SNX2: variants seen among roughly 807,000 people sequenced by gnomAD.
The protein encoded by SNX2 is sorting nexin-2.
SNX2 carries 25 observed loss-of-function variants against 69.9 expected under a neutral mutation model. The observed-to-expected ratio is 0.36, with a 90% CI of 0.26 to 0.50. SNX2 has a LOEUF of 0.50. Ranked by LOEUF, SNX2 falls within the 20% of genes least tolerant of loss-of-function variation. The probability of loss-of-function intolerance (pLI) is 0.97; values close to 1 mark genes in which losing one functional copy is unlikely to be tolerated. For synonymous variants in SNX2, 229 were observed against 200.4 expected (o/e 1.14, Z -1.20); for missense variants, 551 against 613.3 (o/e 0.90, Z 1.07).
Position 122,818,865 on chromosome 5 carries a change from G to C in SNX2, c.1054G>C (p.Gly352Arg). Residue 352 changes from glycine to arginine, a missense_variant, in exon 11 of 15, where the codon GGT becomes CGT. By Grantham distance (125) the Gly-to-Arg change is moderately radical (BLOSUM62 -2). Transcript: ENST00000379516. ...AAFAKSAAML[G>R]NSEDHTALSR... Reference sequence around the variant, plus strand: ...CTTTGCTAAAAGTGCTGCCATGTTAGGTAATTCTGAGGATCATACTGCTTT... The same window carrying C: ...CTTTGCTAAAAGTGCTGCCATGTTACGTAATTCTGAGGATCATACTGCTTT... 6.2e-7 allele frequency: 1 copy of C among 1,613,902 alleles called. No homozygotes were observed. The highest frequency in any genetic ancestry group is 8.5e-7 in the Non-Finnish European group (1 of 1,179,898).
chr5:122,794,092 C>T (rs1455947355), intron 1 of SNX2, among the ~76,000 whole-genome samples: 1 of 152,008 alleles, frequency 6.6e-6, no homozygotes, highest in Non-Finnish European at 1.5e-5. Flanking sequence ...GGGTGGATCA[C>T]CTGAGGTCAG....
Position 122,819,042 on chromosome 5 carries a change from G to C in SNX2, c.1212+19G>C, listed in dbSNP as rs1424713840. 6.3e-7 allele frequency: 1 copy of C among 1,581,728 alleles called. No individual in the cohort carries two copies. Among genetic ancestry groups the C allele is most frequent in the Admixed American group, 1.7e-5 (1 of 59,678 alleles). On this transcript the variant is annotated intron_variant, in intron 11 of 14. Coordinates refer to ENST00000379516, the MANE Select transcript of SNX2 (RefSeq NM_003100.4). Reference sequence around the variant, plus strand: ...AGTGAAAGTAAGCCCTTTCTTGCATGCTTCTCACTTGTGTCGTGTACTTTA... The same window carrying C: ...AGTGAAAGTAAGCCCTTTCTTGCATCCTTCTCACTTGTGTCGTGTACTTTA...
chr5:122,806,639 CA>C (rs1260038124), intron 6 of SNX2, among the ~76,000 whole-genome samples: 1 of 151,674 alleles, frequency 6.6e-6, no homozygotes, highest in Non-Finnish European at 1.5e-5. Flanking sequence ...TTATTGGTCA[CA>C]ATGTCCCTTA....
chr5:122,825,229 A>G (rs1381898274), intron 11 of SNX2, among the ~76,000 whole-genome samples: 2 of 152,108 alleles, frequency 1.3e-5, no homozygotes, highest in Non-Finnish European at 2.9e-5. Context: ...TTGATTAGTA[A>G]TTACTAAAAT....
At chr5:122,803,756 C>A in intron 6 of SNX2, 143 bp downstream of exon 6, 1 of 603,882 alleles carries the variant, frequency 1.7e-6, no homozygotes, top group South Asian at 2.7e-5. Flanking sequence ...TTCATTTATA[C>A]TAATCATGCA....
At chr5:122,803,684 G>T in intron 6 of SNX2, 71 bp downstream of exon 6, 1 of 1,204,400 alleles carries the variant, frequency 8.3e-7, no homozygotes, top group South Asian at 1.7e-5. Flanking sequence ...ATAGATTTGT[G>T]GATTTCTTAG....
chr5:122,824,715 A>G (rs906057687), intron 11 of SNX2, among the ~76,000 whole-genome samples: 14 of 152,190 alleles, frequency 9.2e-5, no homozygotes, highest in African/African-American at 3.1e-4. Flanking sequence ...AAATTGCCAT[A>G]TGATATAAAT....
In SNX2 at chr5:122,831,765, G is replaced by C. The variant is rs939645744; in HGVS notation, c.*2117G>C. ...AAAGGTATAGTTTACACATAGGATGGTTATTCAAGTTATTATTAAAATCTT... is the reference window on the plus strand; with the variant it reads ...AAAGGTATAGTTTACACATAGGATGCTTATTCAAGTTATTATTAAAATCTT... On this transcript the variant is annotated 3_prime_UTR_variant, in exon 15 of 15. Transcript: ENST00000379516. 6.6e-6 allele frequency among the ~76,000 whole-genome samples: 1 copy of C among 152,096 alleles called. No homozygotes were observed. Among genetic ancestry groups the C allele is most frequent in the African/African-American group, 2.4e-5 (1 of 41,438 alleles).
intron 6 of SNX2, among the ~76,000 whole-genome samples, chr5:122,805,549 C>A (rs1049398784): frequency 6.6e-6 from 1 of 152,006 alleles, no homozygotes; most frequent in Non-Finnish European, 1.5e-5. Context: ...TATATTCTTT[C>A]TTTTTTTAAA....
At chr5:122,814,623 A>G (rs1209747350) in intron 7 of SNX2, among the ~76,000 whole-genome samples, 1 of 152,228 alleles carries the variant, frequency 6.6e-6, no homozygotes, top group Non-Finnish European at 1.5e-5. Context: ...TTATAATCTT[A>G]TAAAAAGGTA....
Position 122,831,586 on chromosome 5 carries a change from T to G in SNX2, c.*1938T>G, listed in dbSNP as rs1388242085. On this transcript the variant is annotated 3_prime_UTR_variant, in exon 15 of 15. Coordinates refer to ENST00000379516, the MANE Select transcript of SNX2 (RefSeq NM_003100.4). The stretch of plus-strand genomic sequence containing the variant: ...AAATAGTACAATCATCTTTTGTTGC[T>G]TCTGGGAATACTTTTCAGAAACGAA... Among the ~76,000 whole-genome samples the G allele has an allele frequency of 3.3e-5, 5 of 152,224 alleles. No individual in the cohort carries two copies. Among genetic ancestry groups the G allele is most frequent in the Non-Finnish European group, 5.9e-5 (4 of 68,038 alleles).
chr5:122,775,841 T>G (rs1291001095), intron 1 of SNX2: 1 of 942,704 alleles, frequency 1.1e-6, no homozygotes, highest in African/African-American at 1.8e-5. Flanking sequence ...AATGTAAAGC[T>G]GAAGGCAGGA....
intron 7 of SNX2, among the ~76,000 whole-genome samples, chr5:122,813,533 T>A (rs1753827732): frequency 6.6e-6 from 1 of 152,058 alleles, no homozygotes; most frequent in South Asian, 2.1e-4. Flanking sequence ...TTAACAAAGT[T>A]AAACTAGGGT....
At chr5:122,783,549 T>C (rs1331176937) in intron 1 of SNX2, among the ~76,000 whole-genome samples, 1 of 152,214 alleles carries the variant, frequency 6.6e-6, no homozygotes, top group Non-Finnish European at 1.5e-5. Flanking sequence ...TTGTTGAAAG[T>C]CTAGCCTTTC....
At chr5:122,789,628 A>T (rs1753181503) in intron 1 of SNX2, among the ~76,000 whole-genome samples, 2 of 152,062 alleles carry the variant, frequency 1.3e-5, no homozygotes, top group Admixed American at 1.3e-4. Context: ...AAGAGGGGGA[A>T]AAAAACAGGG....
At chr5:122,811,708 G>A (rs1210060624) in intron 7 of SNX2, among the ~76,000 whole-genome samples, 2 of 152,064 alleles carry the variant, frequency 1.3e-5, no homozygotes, top group Admixed American at 6.6e-5. Context: ...GCGCGTGCCT[G>A]TAGTCACAGC....
intron 11 of SNX2, 136 bp from the exon 12 acceptor site, chr5:122,825,914 A>T: frequency 1.4e-6 from 1 of 694,978 alleles, no homozygotes; most frequent in Non-Finnish European, 2.1e-6. Flanking sequence ...TGGCATACTT[A>T]CTTTCAGTAT....
chr5:122,805,420 C>T (rs1753620748), intron 6 of SNX2, among the ~76,000 whole-genome samples: 1 of 152,008 alleles, frequency 6.6e-6, no homozygotes, highest in South Asian at 2.1e-4. Flanking sequence ...CCACCATGCT[C>T]AGCCAAATTT....
At chr5:122,806,142 G>GCACGCACGCACACACACACA (rs1554063175) in intron 6 of SNX2, among the ~76,000 whole-genome samples, 14 of 130,582 alleles carry the variant, frequency 1.1e-4, no homozygotes, top group African/African-American at 4.1e-4. Flanking sequence ...ACACGCGCGC[G>GCACGCACGCACACACACACA]CACACACACA....
Sources: allele counts gnomAD v4.1 joint callset (sites outside exome capture counted in the v4.1 genomes callset), GRCh38; gene constraint gnomAD v4.1.1; transcripts MANE v1.5; gene names NCBI Gene and HGNC (gene_info 2026-07-23, HGNC 2026-07-21).